ROBO2: variants seen among roughly 807,000 people sequenced by gnomAD.
ROBO2 encodes roundabout guidance receptor 2.
In ROBO2, 53 loss-of-function variants were observed where a neutral mutation model predicts 160.8. That is an observed-to-expected ratio of 0.33 (90% CI 0.26 to 0.41). ROBO2 has a LOEUF of 0.41. Ranked by LOEUF, ROBO2 falls within the 10% of genes least tolerant of loss-of-function variation. The probability of loss-of-function intolerance (pLI) is 1.00; values close to 1 mark genes in which losing one functional copy is unlikely to be tolerated. For missense variants in ROBO2, 1,577 were observed against 1,722.4 expected, an observed-to-expected ratio of 0.92 and a Z score of 1.49; for synonymous variants, 664 against 611.7, an observed-to-expected ratio of 1.09 and a Z score of -1.26.
chr3:77,044,553 C>CT (rs1016745625), intron 1 of ROBO2, among the ~76,000 whole-genome samples: 1 of 148,900 alleles, frequency 6.7e-6, no homozygotes, highest in East Asian at 2.0e-4. Flanking sequence ...CTCTTTTTTT[C>CT]TTTTTTGGAT....
intron 2 of ROBO2, among the ~76,000 whole-genome samples, chr3:77,395,939 A>G (rs1026746085): frequency 6.6e-6 from 1 of 151,366 alleles, no homozygotes; most frequent in Non-Finnish European, 1.5e-5. Context: ...TTTTAACTTA[A>G]TTGTGGAAGC....
intron 2 of ROBO2, among the ~76,000 whole-genome samples, chr3:76,784,517 A>G (rs538247183): frequency 1.1e-4 from 17 of 151,240 alleles, no homozygotes; most frequent in Non-Finnish European, 2.2e-4. Context: ...GCTGAGATCC[A>G]TATCTGCTAT....
At chr3:76,449,053 T>A (rs2077340679) in intron 2 of ROBO2, among the ~76,000 whole-genome samples, 2 of 152,154 alleles carry the variant, frequency 1.3e-5, no homozygotes, top group South Asian at 2.1e-4. Flanking sequence ...TTTGAATGAT[T>A]TTTCATTCAC....
At chr3:77,212,235 T>C (rs1390006566) in intron 2 of ROBO2, among the ~76,000 whole-genome samples, 1 of 152,218 alleles carries the variant, frequency 6.6e-6, no homozygotes, top group Non-Finnish European at 1.5e-5. Context: ...TTTGTTTGTA[T>C]CGTCTTTTAT....
chr3:76,660,655 G>C (rs114509269), intron 2 of ROBO2, among the ~76,000 whole-genome samples: 2,648 of 152,216 alleles, frequency 0.017, 90 homozygotes, highest in African/African-American at 0.058. Context: ...GGTCTTTCTA[G>C]TGATTATGTA....
chr3:76,053,572 A>G (rs961404998), intron 2 of ROBO2, among the ~76,000 whole-genome samples: 5 of 152,108 alleles, frequency 3.3e-5, no homozygotes, highest in Admixed American at 1.3e-4. Flanking sequence ...ATTATTTCAT[A>G]TAAATAGAAG....
intron 2 of ROBO2, among the ~76,000 whole-genome samples, chr3:76,138,085 G>T (rs2071496439): frequency 1.3e-5 from 2 of 151,800 alleles, no homozygotes; most frequent in South Asian, 4.2e-4. Context: ...TCATGTCCTT[G>T]GCTCTTGATG....
intron 2 of ROBO2, among the ~76,000 whole-genome samples, chr3:76,360,633 T>G (rs1293796050): frequency 6.6e-6 from 1 of 152,124 alleles, no homozygotes; most frequent in Non-Finnish European, 1.5e-5. Context: ...CAGTTTAGCA[T>G]TGTACTCAAT....
chr3:76,201,491 A>G (rs577191523), intron 2 of ROBO2, among the ~76,000 whole-genome samples: 1 of 152,318 alleles, frequency 6.6e-6, no homozygotes, highest in South Asian at 2.1e-4. Flanking sequence ...GAACAAAAGC[A>G]AAGTATGTCA....
chr3:76,326,479 G>A (rs1420449730), intron 2 of ROBO2, among the ~76,000 whole-genome samples: 1 of 151,966 alleles, frequency 6.6e-6, no homozygotes, highest in East Asian at 1.9e-4. Flanking sequence ...GTAAATATAT[G>A]TGTATTATGT....
At chr3:76,096,309 G>A (rs980598305) in intron 2 of ROBO2, among the ~76,000 whole-genome samples, 12 of 152,000 alleles carry the variant, frequency 7.9e-5, no homozygotes, top group African/African-American at 2.9e-4. Flanking sequence ...CATAACTTGG[G>A]TAACAAGAAT....
At chr3:77,103,049 A>G (rs1342562151) in intron 2 of ROBO2, among the ~76,000 whole-genome samples, 2 of 152,110 alleles carry the variant, frequency 1.3e-5, no homozygotes, top group Non-Finnish European at 2.9e-5. Context: ...GCTGGTGCAG[A>G]TAAAGTTTCC....
intron 2 of ROBO2, among the ~76,000 whole-genome samples, chr3:77,129,453 A>G (rs1168757106): frequency 1.3e-5 from 2 of 152,176 alleles, no homozygotes; most frequent in Non-Finnish European, 2.9e-5. Flanking sequence ...AAAATCTGTG[A>G]TTGGGGATTT....
At chr3:76,409,731 A>T (rs1207867767) in intron 2 of ROBO2, among the ~76,000 whole-genome samples, 1 of 152,106 alleles carries the variant, frequency 6.6e-6, no homozygotes, top group Admixed American at 6.5e-5. Flanking sequence ...CAGCCTTCAC[A>T]TTGTAAAAGG....
intron 2 of ROBO2, among the ~76,000 whole-genome samples, chr3:76,912,476 G>T (rs1219694151): frequency 6.6e-6 from 1 of 152,036 alleles, no homozygotes; most frequent in Admixed American, 6.5e-5. Flanking sequence ...TGTTTAAAAG[G>T]CTAAAATGTC....
chr3:77,622,482 A>C, intron 23 of ROBO2, 50 bp downstream of exon 24: 3 of 1,501,272 alleles, frequency 2.0e-6, no homozygotes, highest in Non-Finnish European at 2.8e-6. Flanking sequence ...TAACATTAAA[A>C]TGCATCAAAA....
intron 2 of ROBO2, among the ~76,000 whole-genome samples, chr3:76,436,254 GGTTA>G (rs774111093): frequency 2.6e-5 from 4 of 151,626 alleles, no homozygotes; most frequent in Non-Finnish European, 4.4e-5. Context: ...ACATTGTGCA[GGTTA>G]GTTACATATG....
intron 2 of ROBO2, among the ~76,000 whole-genome samples, chr3:76,700,071 CAAGG>C (rs1359550477): frequency 6.6e-6 from 1 of 151,990 alleles, no homozygotes; most frequent in Non-Finnish European, 1.5e-5. Context: ...GGTGCTGTAC[CAAGG>C]CTTTCAACAA....
At chr3:77,508,322 G>A (rs567713855) in intron 5 of ROBO2, among the ~76,000 whole-genome samples, 4 of 147,290 alleles carry the variant, frequency 2.7e-5, no homozygotes, top group Admixed American at 6.8e-5. Flanking sequence ...AATCTTGAAC[G>A]TTTTATATAT....
Sources: gnomAD v4.1 joint callset for allele counts (sites outside exome capture counted in the v4.1 genomes callset) on GRCh38, gnomAD v4.1.1 for gene constraint, MANE v1.5 for transcripts, NCBI Gene and HGNC (gene_info 2026-07-23, HGNC 2026-07-21) for gene names.